CCNY: variants seen among roughly 807,000 people sequenced by gnomAD.
The protein encoded by CCNY is cyclin-Y.
CCNY carries 19 observed loss-of-function variants against 42.8 expected under a neutral mutation model. The observed-to-expected ratio is 0.44, with a 90% confidence interval of 0.31 to 0.65. The LOEUF is 0.65. Ranked by LOEUF, CCNY falls within the 30% of genes least tolerant of loss-of-function variation. The pLI, the probability that CCNY is intolerant of heterozygous loss-of-function variation, is 0.07. For synonymous variants in CCNY, 165 were observed against 162.7 expected, an observed-to-expected ratio of 1.01 and a Z score of -0.11; for missense variants, 370 against 437.3, an observed-to-expected ratio of 0.85 and a Z score of 1.37.
At chr10:35,273,781 G>T (rs184341210) in intron 3 of CCNY, among the ~76,000 whole-genome samples, 4 of 152,316 alleles carry the variant, frequency 2.6e-5, no homozygotes, top group Admixed American at 2.6e-4. Flanking sequence ...ACCAGAGGAG[G>T]CTACATTGTG....
intron 2 of CCNY, among the ~76,000 whole-genome samples, chr10:35,485,745 A>G (rs572607062): frequency 6.6e-6 from 1 of 152,034 alleles, no homozygotes; most frequent in South Asian, 2.1e-4. Flanking sequence ...AAAAACAAAA[A>G]AAAAAAACAC....
intron 1 of CCNY, among the ~76,000 whole-genome samples, chr10:35,340,972 A>G (rs1363024464): frequency 6.6e-6 from 1 of 152,100 alleles, no homozygotes; most frequent in African/African-American, 2.4e-5. Context: ...AGCAGCTGCC[A>G]TCTCCCCCAG....
chr10:35,570,623 C>G lies in CCNY; in HGVS notation c.*1453C>G, dbSNP rs1841667555. ...CAGTGACAGGTTTCTGAGTTGTTTC[C>G]CTTTTCAAGTCTCTGGGAGGCCAGT... is the stretch of plus-strand genomic sequence containing the variant. On this transcript the variant is annotated 3_prime_UTR_variant, in exon 10 of 10. Transcript: ENST00000374704. 6.6e-6 allele frequency: 1 copy of G among 152,308 alleles called. No individual in the cohort carries two copies. Among genetic ancestry groups the G allele is most frequent in the Admixed American group, 6.5e-5 (1 of 15,270 alleles). The allele number at this position is 152,308 out of a possible 1,614,324, so 9.4% of individuals were successfully genotyped here. A position where few individuals can be genotyped will look rare whatever the true frequency, so the allele number is the denominator to read the frequency against.
chr10:35,346,246 G>T (rs936806549), intron 1 of CCNY, among the ~76,000 whole-genome samples: 1 of 152,174 alleles, frequency 6.6e-6, no homozygotes, highest in Non-Finnish European at 1.5e-5. Context: ...ACCCACAATT[G>T]CAGGGAGCTC....
chr10:35,494,236 C>CCT (rs962704890), intron 2 of CCNY, among the ~76,000 whole-genome samples: 4 of 131,162 alleles, frequency 3.0e-5, no homozygotes, highest in Non-Finnish European at 6.5e-5. Flanking sequence ...ATAGTGAGAC[C>CCT]CCCCCCCCCA....
At chr10:35,258,333 C>T (rs1002404378) in intron 3 of CCNY, among the ~76,000 whole-genome samples, 2 of 152,188 alleles carry the variant, frequency 1.3e-5, no homozygotes, top group South Asian at 2.1e-4. Flanking sequence ...CTGTGCCTTT[C>T]CCTGGGCAGG....
rs560997071 is a variant in CCNY at position 35,282,829 on chromosome 10, G to T, written c.-9+32203G>T. On this transcript the variant is annotated intron_variant, in intron 3 of 11. Coordinates refer to the CCNY transcript ENST00000374706. ...TACTCGCAATGAAGAAGAGCCTATT[G>T]CCAGGCTGTTAGGACATATAAATTG... Among the ~76,000 whole-genome samples the T allele has an allele frequency of 5.9e-5, 9 of 152,040 alleles. No individual in the cohort carries two copies. The South Asian group carries it at 1.7e-3, about 28-fold the overall frequency.
intron 8 of CCNY, among the ~76,000 whole-genome samples, chr10:35,564,314 C>T (rs577740938): frequency 6.0e-4 from 91 of 152,270 alleles, no homozygotes; most frequent in African/African-American, 2.1e-3. Context: ...CTTCCTCGGG[C>T]CTCCTTCCTT....
chr10:35,565,766 G>C (rs913111870), intron 8 of CCNY, among the ~76,000 whole-genome samples: 2 of 152,194 alleles, frequency 1.3e-5, no homozygotes, highest in African/African-American at 4.8e-5. Flanking sequence ...GTGTGTGTTA[G>C]ATCTCAGTGA....
chr10:35,542,139 C>G (rs964453837), intron 7 of CCNY, among the ~76,000 whole-genome samples: 5 of 144,110 alleles, frequency 3.5e-5, no homozygotes, highest in African/African-American at 1.3e-4. Context: ...GCCGTGTCTC[C>G]CTAGTCTCCT....
intron 8 of CCNY, among the ~76,000 whole-genome samples, chr10:35,561,827 A>G (rs1187545514): frequency 6.6e-6 from 1 of 152,236 alleles, no homozygotes; most frequent in Non-Finnish European, 1.5e-5. Flanking sequence ...CGCAGGCTGA[A>G]GAACACTGTA....
At chr10:35,384,906 C>T (rs888975839) in intron 1 of CCNY, among the ~76,000 whole-genome samples, 1 of 152,178 alleles carries the variant, frequency 6.6e-6, no homozygotes, top group Non-Finnish European at 1.5e-5. Flanking sequence ...CTGCCATGGT[C>T]CATACCCACA....
At position 35,267,013 on chromosome 10, in the gene CCNY, C is replaced by T. The variant is rs559981895; in HGVS notation, c.-9+16387C>T. Reference sequence around the variant, plus strand: ...AGGAGAATCGCTTGTACCTGGGAGGCGGAGGGTGCAGTGAGCTGAGATCGT... The same window carrying T: ...AGGAGAATCGCTTGTACCTGGGAGGTGGAGGGTGCAGTGAGCTGAGATCGT... On this transcript the variant is annotated intron_variant, in intron 3 of 11. Transcript: ENST00000374706. 9.5e-5 allele frequency among the ~76,000 whole-genome samples: 14 copies of T among 147,086 alleles called. No individual in the cohort carries two copies. In the South Asian group the frequency reaches 2.2e-3, roughly 23 times the overall value.
Position 35,530,332 on chromosome 10 carries a change from G to A in CCNY, c.579+89G>A, listed in dbSNP as rs1486628838. 3.3e-6 allele frequency: 5 copies of A among 1,535,996 alleles called. No individual in the cohort carries two copies. Among genetic ancestry groups the A allele is most frequent in the South Asian group, 1.1e-5 (1 of 87,396 alleles). ...ACTCAGCGGAGTGAGGTTGGAGCAG[G>A]GAATCCTCACCAGGTTACCCTGTGG... On this transcript the variant is annotated intron_variant, in intron 7 of 9. Coordinates refer to ENST00000374704, the MANE Select transcript of CCNY (RefSeq NM_145012.6). This position sits in a 1 kb window ranked among gnomAD's most constrained non-coding sequence, Gnocchi z 4.3.
rs1306162776 is a variant in CCNY at position 35,561,888 on chromosome 10, T to C, written c.747-4135T>C. Among the ~76,000 whole-genome samples, 3 of 152,186 alleles carry C rather than the reference T, an allele frequency of 2.0e-5. No homozygotes were observed. In the East Asian group the frequency reaches 5.8e-4, roughly 29 times the overall value. The stretch of plus-strand genomic sequence containing the variant: ...GCAGAATAGTCAGGGCACCAGGCCA[T>C]GTGGATAGTCACCAGCACCAGTCAG... On this transcript the variant is annotated intron_variant, in intron 8 of 9. Transcript: ENST00000374704.
chr10:35,428,236 TG>T (rs1479702111), intron 1 of CCNY, among the ~76,000 whole-genome samples: 2 of 151,826 alleles, frequency 1.3e-5, no homozygotes, highest in Non-Finnish European at 1.5e-5. Flanking sequence ...CCCCAATGAG[TG>T]GCAGGTATGT....
intron 3 of CCNY, among the ~76,000 whole-genome samples, chr10:35,273,186 A>T (rs1416576773): frequency 2.0e-5 from 3 of 149,192 alleles, no homozygotes; most frequent in Non-Finnish European, 4.5e-5. Context: ...AAACCTCCTC[A>T]TCCTCCTCAT....
intron 1 of CCNY, among the ~76,000 whole-genome samples, chr10:35,346,905 G>A (rs1158057810): frequency 1.3e-5 from 2 of 152,370 alleles, no homozygotes; most frequent in African/African-American, 4.8e-5. Context: ...GGGATTATAG[G>A]TGTGAGCCAC....
At chr10:35,312,719 C>T (rs1050981834) in intron 3 of CCNY, among the ~76,000 whole-genome samples, 2 of 147,170 alleles carry the variant, frequency 1.4e-5, no homozygotes, top group Non-Finnish European at 1.5e-5. Flanking sequence ...TTACCCTTAT[C>T]ATTATCCCAA....
Sources: allele counts gnomAD v4.1 joint callset (sites outside exome capture counted in the v4.1 genomes callset), GRCh38; gene constraint gnomAD v4.1.1; non-coding constraint Gnocchi (gnomAD v3.1); transcripts MANE v1.5; gene names NCBI Gene and HGNC (gene_info 2026-07-23, HGNC 2026-07-21).